The following NALF1 variants were observed in gnomAD, a reference collection of about 807,000 sequenced individuals.
NALF1 encodes the protein NALCN channel auxiliary factor 1.
A neutral mutation model predicts 48.4 loss-of-function variants in NALF1; 3 were observed. That is an observed-to-expected ratio of 0.06 (90% CI 0.03 to 0.16). The LOEUF (loss-of-function observed/expected upper bound fraction) is 0.16, where lower values mean the gene tolerates loss of function less well. Ranked by LOEUF, NALF1 falls within the 10% of genes least tolerant of loss-of-function variation. The pLI is 1.00. For missense variants in NALF1, 526 were observed against 571.5 expected (o/e 0.92, Z 0.81); for synonymous variants, 262 against 245.7 (o/e 1.07, Z -0.62).
intron 1 of NALF1, among the ~76,000 whole-genome samples, chr13:107,484,890 A>T (rs994766312): frequency 6.6e-6 from 1 of 152,074 alleles, no homozygotes; most frequent in Non-Finnish European, 1.5e-5. Context: ...ACGGTAATCC[A>T]TTTTTTGCTG....
chr13:107,568,300 G>T (rs1877877398), intron 1 of NALF1, among the ~76,000 whole-genome samples: 1 of 152,040 alleles, frequency 6.6e-6, no homozygotes, highest in Admixed American at 6.6e-5. Flanking sequence ...TTTTATTGCT[G>T]GACAGTTTTT....
intron 2 of NALF1, among the ~76,000 whole-genome samples, chr13:107,188,760 A>G (rs1283415132): frequency 6.6e-6 from 1 of 152,188 alleles, no homozygotes; most frequent in East Asian, 1.9e-4. Context: ...CTACAAATGA[A>G]CAATATATAT....
At chr13:107,254,578 T>C (rs1880775102) in intron 1 of NALF1, among the ~76,000 whole-genome samples, 1 of 152,160 alleles carries the variant, frequency 6.6e-6, no homozygotes, top group South Asian at 2.1e-4. Flanking sequence ...CTGATGCTTG[T>C]AGAGAAGTGT....
intron 1 of NALF1, among the ~76,000 whole-genome samples, chr13:107,601,757 TA>T (rs536043319): frequency 4.0e-4 from 60 of 150,220 alleles, no homozygotes; most frequent in African/African-American, 1.1e-3. Context: ...ACACACACAA[TA>T]AAAAAAAATC....
In NALF1 at chr13:107,756,663, C is replaced by T. The variant is rs532504318; in HGVS notation, c.915+109019G>A. 1.5e-4 allele frequency among the ~76,000 whole-genome samples: 23 copies of T among 152,092 alleles called. 2 individuals are homozygous for T. The Middle Eastern group carries it at 0.01, about 67-fold the overall frequency. ...TCACCACTTAAATGATCGCTTATGGCCCCCAAACCATGAATATCAACTTTC... is the reference window on the plus strand; with the variant it reads ...TCACCACTTAAATGATCGCTTATGGTCCCCAAACCATGAATATCAACTTTC... On this transcript the variant is annotated intron_variant, in intron 1 of 2. Coordinates refer to ENST00000375915, the MANE Select transcript of NALF1 (RefSeq NM_001080396.3).
At chr13:107,176,564 C>T (rs1034511919) in intron 2 of NALF1, among the ~76,000 whole-genome samples, 1 of 151,866 alleles carries the variant, frequency 6.6e-6, no homozygotes, top group Non-Finnish European at 1.5e-5. Context: ...ATGGCGTGAA[C>T]CCGGGAGGCG....
intron 1 of NALF1, among the ~76,000 whole-genome samples, chr13:107,276,850 T>G (rs1453290485): frequency 6.6e-6 from 1 of 152,180 alleles, no homozygotes; most frequent in East Asian, 1.9e-4. Context: ...ATTTTTAACT[T>G]AGCTAATATA....
At chr13:107,774,716 A>G (rs146139200) in intron 1 of NALF1, among the ~76,000 whole-genome samples, 15 of 152,298 alleles carry the variant, frequency 9.8e-5, no homozygotes, top group Admixed American at 9.8e-4. Context: ...GGGGATGGAA[A>G]GTGGAGAAAA....
At chr13:107,642,919 C>A (rs1366791287) in intron 1 of NALF1, among the ~76,000 whole-genome samples, 2 of 152,166 alleles carry the variant, frequency 1.3e-5, no homozygotes, top group African/African-American at 4.8e-5. Flanking sequence ...GGAGCTGATG[C>A]AGAAGCATCG....
At chr13:107,338,220 C>T (rs2138931196) in intron 1 of NALF1, among the ~76,000 whole-genome samples, 1 of 152,280 alleles carries the variant, frequency 6.6e-6, no homozygotes, top group Middle Eastern at 3.4e-3. Flanking sequence ...GAGCATTTTA[C>T]ATAGATTGTC....
intron 1 of NALF1, among the ~76,000 whole-genome samples, chr13:107,297,500 C>G (rs1881748069): frequency 6.6e-6 from 1 of 152,012 alleles, no homozygotes; most frequent in Admixed American, 6.6e-5. Context: ...AAGGAGGGGG[C>G]CAAACTTTAT....
At chr13:107,404,445 G>T (rs1283908120) in intron 1 of NALF1, among the ~76,000 whole-genome samples, 1 of 151,842 alleles carries the variant, frequency 6.6e-6, no homozygotes, top group Non-Finnish European at 1.5e-5. Flanking sequence ...TATAGTAATG[G>T]TCACACAAAC....
intron 1 of NALF1, among the ~76,000 whole-genome samples, chr13:107,455,643 T>G (rs1213491738): frequency 6.6e-6 from 1 of 152,136 alleles, no homozygotes; most frequent in Non-Finnish European, 1.5e-5. Context: ...AACTATAGCA[T>G]CATACAGAGT....
chr13:107,177,995 C>T (rs1251807063), intron 2 of NALF1, among the ~76,000 whole-genome samples: 2 of 151,898 alleles, frequency 1.3e-5, no homozygotes, highest in Non-Finnish European at 1.5e-5. Flanking sequence ...TGCAGTGAGT[C>T]GAGATTGTGC....
intron 1 of NALF1, among the ~76,000 whole-genome samples, chr13:107,395,007 T>C (rs1883688530): frequency 6.6e-6 from 1 of 152,164 alleles, no homozygotes; most frequent in South Asian, 2.1e-4. Context: ...CATTTTAACT[T>C]CACATTATGT....
chr13:107,864,981 T>A (rs1880670225), intron 1 of NALF1, among the ~76,000 whole-genome samples: 1 of 152,252 alleles, frequency 6.6e-6, no homozygotes, highest in Non-Finnish European at 1.5e-5. Flanking sequence ...AATTACATAG[T>A]GTGTCTGATA....
At chr13:107,265,388 A>G (rs1036159654) in intron 1 of NALF1, among the ~76,000 whole-genome samples, 2 of 152,160 alleles carry the variant, frequency 1.3e-5, no homozygotes, top group Non-Finnish European at 2.9e-5. Context: ...ACTTTAAACA[A>G]CAATTTTAAG....
chr13:107,653,291 C>T (rs933383886), intron 1 of NALF1, among the ~76,000 whole-genome samples: 7 of 151,882 alleles, frequency 4.6e-5, no homozygotes, highest in Admixed American at 2.6e-4. Context: ...TTTGTTTTAT[C>T]GTAGGGGGAG....
chr13:107,755,936 A>G (rs1018290666), intron 1 of NALF1, among the ~76,000 whole-genome samples: 1 of 152,200 alleles, frequency 6.6e-6, no homozygotes, highest in Non-Finnish European at 1.5e-5. Flanking sequence ...TACATGAAAG[A>G]CAGATGTGAT....
Sources: allele counts gnomAD v4.1 joint callset (sites outside exome capture counted in the v4.1 genomes callset), GRCh38; gene constraint gnomAD v4.1.1; transcripts MANE v1.5; gene names NCBI Gene and HGNC (gene_info 2026-07-23, HGNC 2026-07-21).